The following THSD7A variants were observed in gnomAD, a reference collection of about 807,000 sequenced individuals.
THSD7A encodes the protein thrombospondin type 1 domain containing 7A.
In THSD7A, 96 loss-of-function variants were observed where a neutral mutation model predicts 231.3. That is an observed-to-expected ratio of 0.41 (90% CI 0.35 to 0.49). The LOEUF is 0.49. THSD7A is among the 20% of genes least tolerant of loss of function. THSD7A has a pLI of 0.05. For missense variants in THSD7A, 2,290 were observed against 2,070.2 expected (o/e 1.11, Z -2.06); for synonymous variants, 940 against 743.3 (o/e 1.26, Z -4.30).
At position 11,489,419 on chromosome 7, in the gene THSD7A, C is replaced by A. The variant is rs115564957; in HGVS notation, c.1823-7437G>T. On this transcript the variant is annotated intron_variant, in intron 6 of 27. Transcript: ENST00000423059. ...AGGAAACTTGCAATTGTAATTCTTT[C>A]TCTGCCCCTTTGTAATGTATGTAAA... is the stretch of plus-strand genomic sequence containing the variant. Among the ~76,000 whole-genome samples, 682 of 152,180 alleles carry A rather than the reference C, an allele frequency of 4.5e-3. 4 individuals carry two copies. The highest frequency in any genetic ancestry group is 0.015 in the African/African-American group (627 of 41,538).
Position 11,407,297 on chromosome 7 carries a change from C to A in THSD7A, c.3916+9G>T, listed in dbSNP as rs1163676540. Reference sequence around the variant, plus strand: ...CAGTAGCCTAATATAAGTTATGGTACAAACAAACCTGTGAGGCCACATGTT... The same window carrying A: ...CAGTAGCCTAATATAAGTTATGGTAAAAACAAACCTGTGAGGCCACATGTT... On this transcript the variant is annotated intron_variant, in intron 20 of 27. Coordinates refer to ENST00000423059, the MANE Select transcript of THSD7A (RefSeq NM_015204.3). 1 of 1,606,604 alleles carries A rather than the reference C, an allele frequency of 6.2e-7. No individual in the cohort carries two copies. Among genetic ancestry groups the A allele is most frequent in the Admixed American group, 1.7e-5 (1 of 59,428 alleles).
chr7:11,746,544 T>C (rs1260542258), intron 1 of THSD7A, among the ~76,000 whole-genome samples: 1 of 151,916 alleles, frequency 6.6e-6, no homozygotes, highest in Non-Finnish European at 1.5e-5. Flanking sequence ...ACATATTTCA[T>C]AGAGTTTTCC....
At chr7:11,691,937 A>G (rs1394666726) in intron 1 of THSD7A, among the ~76,000 whole-genome samples, 1 of 151,606 alleles carries the variant, frequency 6.6e-6, no homozygotes, top group African/African-American at 2.4e-5. Context: ...TTCAAAAATA[A>G]CATTTAAAAA....
intron 4 of THSD7A, among the ~76,000 whole-genome samples, chr7:11,550,765 C>T (rs1231378969): frequency 6.6e-6 from 1 of 152,122 alleles, no homozygotes; most frequent in African/African-American, 2.4e-5. Context: ...TTGAAGTGGC[C>T]ATTCTGCCCA....
intron 1 of THSD7A, among the ~76,000 whole-genome samples, chr7:11,793,068 A>G (rs1376351545): frequency 6.6e-6 from 1 of 152,002 alleles, no homozygotes; most frequent in Non-Finnish European, 1.5e-5. Context: ...AAACTGTTTG[A>G]TATCTTTCAA....
At chr7:11,737,510 G>A (rs531773723) in intron 1 of THSD7A, among the ~76,000 whole-genome samples, 1 of 152,084 alleles carries the variant, frequency 6.6e-6, no homozygotes, top group South Asian at 2.1e-4. Flanking sequence ...GCAGTTCCTG[G>A]AATCAGTAGA....
At chr7:11,421,331 G>T (rs915062805) in intron 16 of THSD7A, among the ~76,000 whole-genome samples, 1 of 152,036 alleles carries the variant, frequency 6.6e-6, no homozygotes, top group Non-Finnish European at 1.5e-5. Flanking sequence ...AAAGTGTGTG[G>T]CACTTCCCCC....
intron 2 of THSD7A, among the ~76,000 whole-genome samples, chr7:11,604,689 G>A (rs192825293): frequency 1.2e-3 from 176 of 152,172 alleles, no homozygotes; most frequent in Non-Finnish European, 2.0e-3. Flanking sequence ...GCAATCTTGC[G>A]AATGACAATG....
intron 1 of THSD7A, chr7:11,820,930 G>C: frequency 1.0e-6 from 1 of 967,730 alleles, no homozygotes; most frequent in Non-Finnish European, 1.6e-6. Flanking sequence ...CCTCGCTGAA[G>C]ATCTCTCTCC....
chr7:11,825,090 T>C (rs540815598), intron 1 of THSD7A, among the ~76,000 whole-genome samples: 27 of 152,230 alleles, frequency 1.8e-4, no homozygotes, highest in South Asian at 1.4e-3. Flanking sequence ...GTCCTTTAGT[T>C]GGAGAAAACA....
At chr7:11,655,993 C>T (rs1357169313) in intron 1 of THSD7A, among the ~76,000 whole-genome samples, 1 of 151,874 alleles carries the variant, frequency 6.6e-6, no homozygotes, top group African/African-American at 2.4e-5. Flanking sequence ...TTCATTTCAC[C>T]TCTGAATTCT....
intron 1 of THSD7A, among the ~76,000 whole-genome samples, chr7:11,740,290 G>A (rs1583244474): frequency 6.6e-6 from 1 of 151,974 alleles, no homozygotes; most frequent in East Asian, 2.0e-4. Context: ...CCAGAGACGG[G>A]GACAGCTGAG....
chr7:11,673,594 TG>T (rs372433907), intron 1 of THSD7A, among the ~76,000 whole-genome samples: 231 of 152,280 alleles, frequency 1.5e-3, no homozygotes, highest in African/African-American at 5.4e-3. Flanking sequence ...TAAGACTGCC[TG>T]CCTGGCCACT....
intron 1 of THSD7A, among the ~76,000 whole-genome samples, chr7:11,687,842 C>G (rs1007750871): frequency 6.6e-6 from 1 of 151,570 alleles, no homozygotes; most frequent in African/African-American, 2.4e-5. Context: ...ACTCTGCTGT[C>G]AGTTAAAATC....
At chr7:11,438,489 C>T (rs1784701774) in intron 13 of THSD7A, among the ~76,000 whole-genome samples, 1 of 151,892 alleles carries the variant, frequency 6.6e-6, no homozygotes, top group Non-Finnish European at 1.5e-5. Flanking sequence ...ATTGCTTAAG[C>T]TACTCATTAA....
intron 13 of THSD7A, among the ~76,000 whole-genome samples, chr7:11,442,731 A>C (rs990416967): frequency 6.6e-6 from 1 of 152,082 alleles, no homozygotes; most frequent in Non-Finnish European, 1.5e-5. Context: ...CTTTACTTTG[A>C]GTAATTATGT....
At chr7:11,698,911 C>G (rs1464551478) in intron 1 of THSD7A, among the ~76,000 whole-genome samples, 1 of 149,934 alleles carries the variant, frequency 6.7e-6, no homozygotes, top group Non-Finnish European at 1.5e-5. Context: ...ATTTCTTATT[C>G]TTTATAAAAA....
rs149136929 is a variant in THSD7A at position 11,636,735 on chromosome 7, G to A, written c.417C>T (p.Ser139=). The A allele has an allele frequency of 2.4e-4, 389 of 1,613,992 alleles. No homozygotes were observed. The highest frequency in any genetic ancestry group is 3.3e-4 in the African/African-American group (25 of 75,034). The change falls in exon 2 of 28, where the codon AGC becomes AGT. Residue 139 remains serine, a synonymous_variant. Coordinates refer to ENST00000423059, the MANE Select transcript of THSD7A (RefSeq NM_015204.3). The surrounding 1 kb of genome is among the most constrained non-coding windows in gnomAD (Gnocchi z 10.0). ...TAATGCACTCAAGAGGTTTCTCTAG[G>A]CTTTTTGAAATCACGGGCTGACACT... ...WNQCQPVISK[S]LEKPLECIKG...
At chr7:11,470,142 G>C (rs575580455) in intron 8 of THSD7A, 148 bp from the exon 9 acceptor site, 1 of 638,936 alleles carries the variant, frequency 1.6e-6, no homozygotes. Flanking sequence ...TTCTGCTACA[G>C]GCAAGAACTA....
Sources: allele counts gnomAD v4.1 joint callset (sites outside exome capture counted in the v4.1 genomes callset), GRCh38; gene constraint gnomAD v4.1.1; non-coding constraint Gnocchi (gnomAD v3.1); transcripts MANE v1.5; gene names NCBI Gene and HGNC (gene_info 2026-07-23, HGNC 2026-07-21).